The following PUDP variants were observed in gnomAD, a reference collection of about 807,000 sequenced individuals.
PUDP encodes the protein pseudouridine-5'-phosphatase.
In PUDP, 8 loss-of-function variants were observed where a neutral mutation model predicts 9.4. That is an observed-to-expected ratio of 0.85 (90% CI 0.50 to 1.53). The LOEUF is 1.53. Among genes scored for constraint, PUDP ranks in the 40% most tolerant of loss-of-function variants. PUDP has a pLI of 0.00. For synonymous variants in PUDP, 99 were observed against 80.7 expected, an observed-to-expected ratio of 1.23 and a Z score of -1.22; for missense variants, 188 against 189.7, an observed-to-expected ratio of 0.99 and a Z score of 0.05.
At chrX:6,895,502 T>C (rs1602663052) in intron 3 of PUDP, among the ~76,000 whole-genome samples, 1 of 109,030 alleles carries the variant, frequency 9.2e-6, no homozygotes, top group African/African-American at 3.3e-5. Flanking sequence ...ATATTTTTTC[T>C]CTAGAGAAGC....
At chrX:7,042,245 G>T (rs1031872434) in intron 1 of PUDP, among the ~76,000 whole-genome samples, 3 of 110,461 alleles carry the variant, frequency 2.7e-5, no homozygotes, top group Non-Finnish European at 5.7e-5. Flanking sequence ...TATAAATCAT[G>T]GACAGAAGTG....
intron 3 of PUDP, among the ~76,000 whole-genome samples, chrX:6,875,765 G>A (rs910317164): frequency 1.8e-5 from 2 of 111,927 alleles, no homozygotes; most frequent in African/African-American, 3.2e-5. Context: ...AGGGAGTCCA[G>A]GAAACGGCAT....
At chrX:6,886,591 C>G (rs988726846) in intron 3 of PUDP, among the ~76,000 whole-genome samples, 2 of 111,343 alleles carry the variant, frequency 1.8e-5, no homozygotes, top group African/African-American at 6.5e-5. Flanking sequence ...CCAAAAAGCA[C>G]CCCTTTCTAG....
At chrX:6,989,002 T>C (rs1451874007) in intron 1 of PUDP, among the ~76,000 whole-genome samples, 2 of 111,970 alleles carry the variant, frequency 1.8e-5, no homozygotes, top group Non-Finnish European at 3.8e-5. Flanking sequence ...AAGTATTCCC[T>C]AGTTAACTCT....
intron 3 of PUDP, among the ~76,000 whole-genome samples, chrX:6,911,921 T>C (rs758667453): frequency 8.9e-6 from 1 of 112,027 alleles, no homozygotes; most frequent in South Asian, 3.7e-4. Context: ...AACTATCTTA[T>C]CATTCACATT....
At chrX:6,820,888 G>C (rs1423591619) in intron 3 of PUDP, among the ~76,000 whole-genome samples, 1 of 111,713 alleles carries the variant, frequency 9.0e-6, no homozygotes, top group Non-Finnish European at 1.9e-5. Context: ...AGCTCCACTA[G>C]GCAGTGCCCC....
chrX:6,959,640 C>G (rs1015127616), intron 3 of PUDP, among the ~76,000 whole-genome samples: 1 of 111,707 alleles, frequency 9.0e-6, no homozygotes, highest in African/African-American at 3.3e-5. Flanking sequence ...AGAAGAGTAA[C>G]CCCCTAATCC....
At chrX:6,736,574 C>T (rs1602602428) in intron 3 of PUDP, among the ~76,000 whole-genome samples, 1 of 112,033 alleles carries the variant, frequency 8.9e-6, no homozygotes, top group Non-Finnish European at 1.9e-5. Context: ...CAGCGCAGTT[C>T]ACAATAGCAA....
intron 3 of PUDP, among the ~76,000 whole-genome samples, chrX:6,743,451 A>G (rs1043534279): frequency 8.9e-6 from 1 of 112,105 alleles, no homozygotes. Flanking sequence ...AAAGAACTCA[A>G]TGAGGACTTG....
chrX:6,969,865 C>T lies in PUDP; in HGVS notation c.*247+7268G>A, dbSNP rs187958791. Among the ~76,000 whole-genome samples the T allele has an allele frequency of 9.5e-4, 106 of 111,886 alleles. 1 individual carries two copies. The highest frequency in any genetic ancestry group is 3.0e-3 in the African/African-American group (93 of 30,665). ...CCACTGCACTGCAGCTTGCATAGAG[C>T]AAGACCCAGTCTCTTTGTAAAATTT... On this transcript the variant is annotated intron_variant and NMD_transcript_variant, in intron 3 of 3. Transcript: ENST00000655425.
intron 3 of PUDP, among the ~76,000 whole-genome samples, chrX:6,807,896 T>C (rs1312280406): frequency 8.9e-6 from 1 of 112,228 alleles, no homozygotes; most frequent in Non-Finnish European, 1.9e-5. Flanking sequence ...CCAGGAAGCA[T>C]TTGTCAACGA....
At chrX:6,836,010 C>T (rs975592073) in intron 3 of PUDP, among the ~76,000 whole-genome samples, 2 of 111,108 alleles carry the variant, frequency 1.8e-5, no homozygotes, top group African/African-American at 6.5e-5. Flanking sequence ...TGAGCCACTA[C>T]ACCCGGCCGT....
At chrX:7,142,869 T>C (rs1932809975) in intron 1 of PUDP, among the ~76,000 whole-genome samples, 1 of 110,201 alleles carries the variant, frequency 9.1e-6, no homozygotes, top group Non-Finnish European at 1.9e-5. Flanking sequence ...CAGACTGGTC[T>C]CGAACTCCTG....
intron 3 of PUDP, among the ~76,000 whole-genome samples, chrX:6,816,349 T>C (rs1487265614): frequency 9.6e-6 from 1 of 104,424 alleles, no homozygotes; most frequent in Non-Finnish European, 1.9e-5. Flanking sequence ...TGTATTTTTA[T>C]ATATACATAT....
At chrX:7,134,571 AG>A (rs1206926602) in intron 1 of PUDP, among the ~76,000 whole-genome samples, 1 of 112,382 alleles carries the variant, frequency 8.9e-6, no homozygotes, top group African/African-American at 3.2e-5. Flanking sequence ...GCTGATGAGC[AG>A]TCAGCAAAAT....
chrX:6,750,357 G>A (rs1343215787), intron 3 of PUDP, among the ~76,000 whole-genome samples: 2 of 111,555 alleles, frequency 1.8e-5, no homozygotes, highest in Non-Finnish European at 3.8e-5. Flanking sequence ...CTTGTTGATT[G>A]GTACCTTTGG....
At chrX:6,707,382 T>C (rs981699750) in intron 1 of PUDP, among the ~76,000 whole-genome samples, 2 of 111,774 alleles carry the variant, frequency 1.8e-5, no homozygotes, top group South Asian at 7.5e-4. Flanking sequence ...ATGATTCAAG[T>C]GCATTATATT....
intron 3 of PUDP, among the ~76,000 whole-genome samples, chrX:6,914,952 T>G (rs1036758752): frequency 8.9e-6 from 1 of 112,404 alleles, no homozygotes; most frequent in Non-Finnish European, 1.9e-5. Context: ...AACATACTAC[T>G]AAGCACATGG....
intron 1 of PUDP, among the ~76,000 whole-genome samples, chrX:7,120,971 G>A (rs1444150023): frequency 9.0e-6 from 1 of 111,641 alleles, no homozygotes; most frequent in Non-Finnish European, 1.9e-5. Flanking sequence ...CTTTGGCATG[G>A]GGTCAGAGAG....
Sources: allele counts gnomAD v4.1 joint callset (sites outside exome capture counted in the v4.1 genomes callset), GRCh38; gene constraint gnomAD v4.1.1; transcripts MANE v1.5; gene names NCBI Gene and HGNC (gene_info 2026-07-23, HGNC 2026-07-21).